Variants in COG5 observed in about 807,000 individuals in gnomAD.
COG5 encodes the protein component of oligomeric golgi complex 5.
In COG5, 86 loss-of-function variants were observed where a neutral mutation model predicts 110.4. The observed-to-expected ratio is 0.78, with a 90% CI of 0.65 to 0.93. The LOEUF is 0.93. Ranked by LOEUF, COG5 falls within the 40% of genes least tolerant of loss-of-function variation. The pLI is 0.00. For synonymous variants in COG5, 360 were observed against 334.6 expected, an observed-to-expected ratio of 1.08 and a Z score of -0.83; for missense variants, 1,077 against 987.0, an observed-to-expected ratio of 1.09 and a Z score of -1.22.
intron 12 of COG5, among the ~76,000 whole-genome samples, chr7:107,292,509 G>C (rs1190270866): frequency 6.6e-6 from 1 of 152,168 alleles, no homozygotes; most frequent in Non-Finnish European, 1.5e-5. Flanking sequence ...ATTAAAAGCT[G>C]AAAGAGCCCA....
At chr7:107,290,213 ACTAC>A (rs1806048696) in intron 12 of COG5, among the ~76,000 whole-genome samples, 1 of 151,988 alleles carries the variant, frequency 6.6e-6, no homozygotes, top group Non-Finnish European at 1.5e-5. Flanking sequence ...CACTTATCTC[ACTAC>A]CTACCCTCCC....
intron 6 of COG5, among the ~76,000 whole-genome samples, 183 bp from the exon 7 acceptor site, chr7:107,412,815 T>C (rs918432218): frequency 2.6e-5 from 4 of 152,146 alleles, no homozygotes; most frequent in Non-Finnish European, 4.4e-5. Context: ...AAGTAATTTA[T>C]GCTGGAGTTA....
At chr7:107,467,832 A>C (rs550345914) in intron 6 of COG5, among the ~76,000 whole-genome samples, 5 of 152,322 alleles carry the variant, frequency 3.3e-5, no homozygotes, top group African/African-American at 1.2e-4. Flanking sequence ...CACTGTACAC[A>C]ATAAAAAAAG....
intron 6 of COG5, among the ~76,000 whole-genome samples, chr7:107,439,717 A>G (rs993705982): frequency 1.3e-5 from 2 of 152,200 alleles, no homozygotes; most frequent in Non-Finnish European, 2.9e-5. Flanking sequence ...TAAGTAGACT[A>G]TCATGTCATC....
At chr7:107,254,570 A>G (rs979537654) in intron 16 of COG5, among the ~76,000 whole-genome samples, 1 of 152,154 alleles carries the variant, frequency 6.6e-6, no homozygotes. Flanking sequence ...CAAAATTGGT[A>G]TGCCTTAGCA....
In COG5 at chr7:107,208,539, T is replaced by C. The variant is rs1798929890; in HGVS notation, c.2375+1987A>G. ...GAGTGTGTTGCAGCTGAGTGAATCT[T>C]TGGGACTCGGGAAAAATAATCCACA... On this transcript the variant is annotated intron_variant, in intron 21 of 21. Transcript: ENST00000297135. 1.0e-6 allele frequency: 1 copy of C among 985,298 alleles called. No homozygotes were observed. Among genetic ancestry groups the C allele is most frequent in the Non-Finnish European group, 1.2e-6 (1 of 829,942 alleles). The allele number at this position is 985,298 out of a possible 1,614,324, so 61.0% of individuals were successfully genotyped here. A position where few individuals can be genotyped will look rare whatever the true frequency, so the allele number is the denominator to read the frequency against.
intron 16 of COG5, among the ~76,000 whole-genome samples, chr7:107,253,629 T>C (rs940639047): frequency 3.3e-5 from 5 of 152,170 alleles, no homozygotes; most frequent in African/African-American, 4.8e-5. Flanking sequence ...ATTAATTATG[T>C]CATTCATAAC....
At chr7:107,506,149 A>C (rs1270861694) in intron 6 of COG5, among the ~76,000 whole-genome samples, 1 of 152,176 alleles carries the variant, frequency 6.6e-6, no homozygotes, top group Non-Finnish European at 1.5e-5. Flanking sequence ...GTCATGCACA[A>C]GTTTTCTCCT....
At chr7:107,282,052 C>T (rs1006260518) in intron 13 of COG5, among the ~76,000 whole-genome samples, 1 of 148,134 alleles carries the variant, frequency 6.8e-6, no homozygotes, top group Non-Finnish European at 1.5e-5. Context: ...GGAAAGAACA[C>T]TAGAAATTAA....
intron 7 of COG5, among the ~76,000 whole-genome samples, chr7:107,375,884 C>CCCCA (rs1412742554): frequency 1.3e-5 from 2 of 151,838 alleles, no homozygotes; most frequent in Non-Finnish European, 2.9e-5. Context: ...GATAAGTGTT[C>CCCCA]CCCACCCCAC....
chr7:107,420,972 G>A (rs1415739959), intron 6 of COG5, among the ~76,000 whole-genome samples: 2 of 152,162 alleles, frequency 1.3e-5, no homozygotes, highest in African/African-American at 4.8e-5. Flanking sequence ...ACAAAAGGGG[G>A]AAGGAAAATA....
chr7:107,563,571 G>A, intron 1 of COG5: 1 of 462,500 alleles, frequency 2.2e-6, no homozygotes, highest in Non-Finnish European at 4.0e-6. Flanking sequence ...GAGTTGAAAT[G>A]AGGAACACAC....
intron 5 of COG5, among the ~76,000 whole-genome samples, chr7:107,529,641 C>T (rs1801034057): frequency 6.6e-6 from 1 of 152,190 alleles, no homozygotes; most frequent in South Asian, 2.1e-4. Flanking sequence ...GGGAAAGGAG[C>T]CAGGCTATAA....
intron 6 of COG5, among the ~76,000 whole-genome samples, chr7:107,511,689 T>C (rs1799526737): frequency 6.6e-6 from 1 of 152,200 alleles, no homozygotes; most frequent in African/African-American, 2.4e-5. Flanking sequence ...TCAAAAAGCT[T>C]ATCTACCATG....
intron 17 of COG5, among the ~76,000 whole-genome samples, chr7:107,243,933 T>G (rs1801851900): frequency 6.6e-6 from 1 of 151,994 alleles, no homozygotes; most frequent in Non-Finnish European, 1.5e-5. Flanking sequence ...GGTAAATACA[T>G]GAAATTAAGG....
intron 14 of COG5, among the ~76,000 whole-genome samples, chr7:107,262,731 T>A (rs545580949): frequency 7.8e-4 from 119 of 152,260 alleles, no homozygotes; most frequent in Non-Finnish European, 2.2e-4. Flanking sequence ...CTCCTCCTTA[T>A]TCTCAGTTGA....
intron 6 of COG5, among the ~76,000 whole-genome samples, chr7:107,501,102 G>C (rs894130808): frequency 6.6e-6 from 1 of 152,014 alleles, no homozygotes; most frequent in African/African-American, 2.4e-5. Context: ...ATTATACTTA[G>C]AGACCCAAAG....
intron 6 of COG5, among the ~76,000 whole-genome samples, chr7:107,486,012 A>G (rs1004015260): frequency 2.6e-5 from 4 of 152,180 alleles, no homozygotes; most frequent in African/African-American, 9.6e-5. Flanking sequence ...TACAGAAGCA[A>G]GAAAAGCAAG....
chr7:107,551,324 A>T (rs993934973), intron 3 of COG5, among the ~76,000 whole-genome samples: 1 of 152,212 alleles, frequency 6.6e-6, no homozygotes, highest in Admixed American at 6.5e-5. Context: ...TGAAAACAAA[A>T]ACTCTATTGC....
Sources: allele counts gnomAD v4.1 joint callset (sites outside exome capture counted in the v4.1 genomes callset), GRCh38; gene constraint gnomAD v4.1.1; transcripts MANE v1.5; gene names NCBI Gene and HGNC (gene_info 2026-07-23, HGNC 2026-07-21).